TULP4: variants seen among roughly 807,000 people sequenced by gnomAD.
The protein encoded by TULP4 is tubby-related protein 4.
TULP4 carries 16 observed loss-of-function variants against 129.0 expected under a neutral mutation model. The ratio of observed to expected loss-of-function variants is 0.12; its 90% CI spans 0.08 to 0.19. The LOEUF (loss-of-function observed/expected upper bound fraction) is 0.19, where lower values mean the gene tolerates loss of function less well. TULP4 is among the 10% of genes least tolerant of loss of function. TULP4 has a pLI of 1.00. For synonymous variants in TULP4, 998 were observed against 854.0 expected, an observed-to-expected ratio of 1.17 and a Z score of -2.94; for missense variants, 1,842 against 2,059.1, an observed-to-expected ratio of 0.89 and a Z score of 2.04.
intron 1 of TULP4, chr6:158,237,678 CT>C (rs878951851): frequency 8.8e-7 from 1 of 1,141,346 alleles, no homozygotes; most frequent in Non-Finnish European, 1.3e-6. Context: ...ATTTTCCCTT[CT>C]TTTTCTTTTT....
chr6:158,241,717 C>T (rs979072960), intron 1 of TULP4, among the ~76,000 whole-genome samples: 3 of 152,176 alleles, frequency 2.0e-5, no homozygotes, highest in African/African-American at 7.2e-5. Context: ...GCCTCAGCCT[C>T]CCGAGTAGCC....
chr6:158,382,257 A>G (rs551844246), intron 1 of TULP4, among the ~76,000 whole-genome samples: 1 of 152,056 alleles, frequency 6.6e-6, no homozygotes, highest in Non-Finnish European at 1.5e-5. Context: ...GTATCTGTCT[A>G]TTTTGTTTTG....
At position 158,502,397 on chromosome 6, in the gene TULP4, AACACGT is replaced by A. The variant is rs1780472219; in HGVS notation, c.2739_2744del (p.Tyr914_Thr915del). On this transcript the variant is annotated inframe_deletion, in exon 13 of 14. Transcript: ENST00000367097. The stretch of plus-strand genomic sequence containing the variant: ...CCGCACCCGGATGCTGTGCTCCCAG[AACACGT>A]ACACCCTCCCCGGCCCGGGTAGCTC... 1 of 1,613,530 alleles carries A rather than the reference AACACGT, an allele frequency of 6.2e-7. No homozygotes were observed. The highest frequency in any genetic ancestry group is 1.1e-5 in the South Asian group (1 of 91,056).
At chr6:158,472,106 G>A (rs1236144915) in intron 6 of TULP4, among the ~76,000 whole-genome samples, 4 of 152,124 alleles carry the variant, frequency 2.6e-5, no homozygotes, top group Admixed American at 2.6e-4. Flanking sequence ...TTTTAAAGCT[G>A]CCTAGTGGAT....
At chr6:158,486,112 C>G (rs2128252822) in intron 8 of TULP4, among the ~76,000 whole-genome samples, 1 of 152,154 alleles carries the variant, frequency 6.6e-6, no homozygotes, top group South Asian at 2.1e-4. Context: ...CTGAGAGTGG[C>G]CAGGAGTCCT....
chr6:158,274,451 C>T (rs1322964766), intron 1 of TULP4, among the ~76,000 whole-genome samples: 2 of 152,230 alleles, frequency 1.3e-5, no homozygotes, highest in Admixed American at 1.3e-4. Flanking sequence ...CAATGTTGTT[C>T]CTGAAATGAA....
chr6:158,320,829 C>A (rs1171493261), intron 1 of TULP4, among the ~76,000 whole-genome samples: 2 of 152,172 alleles, frequency 1.3e-5, no homozygotes, highest in Non-Finnish European at 2.9e-5. Flanking sequence ...AATGGTCTCA[C>A]CTGATTTCTT....
chr6:158,320,670 G>T (rs1386441881), intron 1 of TULP4, among the ~76,000 whole-genome samples: 1 of 152,128 alleles, frequency 6.6e-6, no homozygotes, highest in Non-Finnish European at 1.5e-5. Context: ...GGTCTCAGGT[G>T]ATCCACCCGC....
At chr6:158,394,704 G>C (rs979484568) in intron 1 of TULP4, among the ~76,000 whole-genome samples, 1 of 143,992 alleles carries the variant, frequency 6.9e-6, no homozygotes, top group Non-Finnish European at 1.5e-5. Context: ...GGAGAATGGC[G>C]TGAACCCGGG....
intron 1 of TULP4, among the ~76,000 whole-genome samples, chr6:158,331,755 A>ATATATG (rs1779894385): frequency 3.2e-5 from 1 of 31,536 alleles, no homozygotes; most frequent in Non-Finnish European, 8.3e-5. Flanking sequence ...GTGTATATAC[A>ATATATG]CGTGTATATA....
At chr6:158,410,785 T>A (rs747645383) in intron 1 of TULP4, among the ~76,000 whole-genome samples, 19 of 152,148 alleles carry the variant, frequency 1.2e-4, no homozygotes, top group Non-Finnish European at 2.8e-4. Flanking sequence ...AAAAAATCAG[T>A]AATTCTAATA....
chr6:158,381,745 T>G (rs1284093718), intron 1 of TULP4, among the ~76,000 whole-genome samples: 1 of 152,220 alleles, frequency 6.6e-6, no homozygotes, highest in Non-Finnish European at 1.5e-5. Context: ...TCAGGTGTAT[T>G]TATTCTTCAG....
chr6:158,238,081 C>A, intron 1 of TULP4: 2 of 707,672 alleles, frequency 2.8e-6, no homozygotes, highest in Non-Finnish European at 5.3e-6. Flanking sequence ...AAATCTTCTT[C>A]ATGGCTACAC....
chr6:158,278,941 GTTTTT>G (rs35915892), upstream of TULP4, among the ~76,000 whole-genome samples: 2 of 123,422 alleles, frequency 1.6e-5, no homozygotes, highest in Non-Finnish European at 3.3e-5. Flanking sequence ...GTTTTTTTTT[GTTTTT>G]TTTTTTTTTT....
intron 11 of TULP4, 81 bp from the exon 12 acceptor site, chr6:158,498,588 T>G: frequency 6.4e-7 from 1 of 1,568,410 alleles, no homozygotes. Flanking sequence ...TGCAGTGCGC[T>G]CTTCTTCCTG....
Position 158,257,083 on chromosome 6 carries a change from C to T in TULP4, n.68+24780C>T, listed in dbSNP as rs367601681. Among the ~76,000 whole-genome samples, 34 of 152,262 alleles carry T rather than the reference C, an allele frequency of 2.2e-4. No homozygotes were observed. In the East Asian group the frequency reaches 6.6e-3, roughly 29 times the overall value. On this transcript the variant is annotated intron_variant and non_coding_transcript_variant, in intron 1 of 1. Transcript: ENST00000620026. ...TAATGTTAAGACCGTGCTGATCAGG[C>T]TTAGTAGCCTGATCTCCAACCAGGT...
At chr6:158,398,505 C>T (rs1777770086) in intron 1 of TULP4, 1 of 152,452 alleles carries the variant, frequency 6.6e-6, no homozygotes, top group African/African-American at 2.4e-5. Flanking sequence ...AGCATGGGCA[C>T]TTACTCTGTC....
chr6:158,394,786 C>CAAAGAAAAAAA (rs1777666494), intron 1 of TULP4, among the ~76,000 whole-genome samples: 1 of 46,020 alleles, frequency 2.2e-5, no homozygotes, highest in African/African-American at 1.1e-4. Context: ...GGCTCTGTCT[C>CAAAGAAAAAAA]AAAAAAAAAA....
intron 1 of TULP4, among the ~76,000 whole-genome samples, chr6:158,244,987 CA>C (rs1044828300): frequency 1.3e-5 from 2 of 151,836 alleles, no homozygotes; most frequent in Non-Finnish European, 2.9e-5. Flanking sequence ...ATAATTTAGA[CA>C]CAATTTTTTT....
Sources: allele counts gnomAD v4.1 joint callset (sites outside exome capture counted in the v4.1 genomes callset), GRCh38; gene constraint gnomAD v4.1.1; transcripts MANE v1.5; gene names NCBI Gene and HGNC (gene_info 2026-07-23, HGNC 2026-07-21).